The following GNAT1 variants were observed in gnomAD, a reference collection of about 807,000 sequenced individuals.
GNAT1 encodes the protein G protein subunit alpha transducin 1, also known as guanine nucleotide-binding protein G(t) subunit alpha-1.
Under a neutral mutation model 40.0 loss-of-function variants are expected in GNAT1, and 36 were observed. That is an observed-to-expected ratio of 0.90 (90% CI 0.69 to 1.19). The LOEUF (loss-of-function observed/expected upper bound fraction) is 1.19. Among genes scored for constraint, GNAT1 ranks in the 50% most tolerant of loss-of-function variants. The pLI is 0.00. For synonymous variants in GNAT1, 195 were observed against 192.9 expected (o/e 1.01, Z -0.09); for missense variants, 413 against 480.6 (o/e 0.86, Z 1.32).
intron 1 of GNAT1, 155 bp from the exon 2 acceptor site, chr3:50,192,978 T>TG (rs540772952): frequency 3.1e-5 from 22 of 699,452 alleles, no homozygotes; most frequent in East Asian, 1.3e-4. Flanking sequence ...TTAATTTGGA[T>TG]GGGGGGGTAG....
rs1699474686 is a variant in GNAT1 at position 50,194,632 on chromosome 3, C to T, written c.840C>T (p.Ser280=). The T allele has an allele frequency of 1.9e-6, 3 of 1,613,328 alleles. No individual in the cohort carries two copies. Among genetic ancestry groups the T allele is most frequent in the Non-Finnish European group, 2.5e-6 (3 of 1,179,764 alleles). The part of the protein sequence containing the change: ...FFEKIKKAHL[S]ICFPDYDGPN... ...AGAAGATCAAGAAGGCGCACCTCAGCATCTGTTTCCCGGACTACGATGGTG... is the reference window on the plus strand; with the variant it reads ...AGAAGATCAAGAAGGCGCACCTCAGTATCTGTTTCCCGGACTACGATGGTG... The change falls in exon 7 of 9, where the codon AGC becomes AGT. Residue 280 remains serine (S), a synonymous_variant. Coordinates refer to ENST00000232461, the MANE Select transcript of GNAT1 (RefSeq NM_144499.3). This position sits in a 1 kb window ranked among gnomAD's most constrained non-coding sequence, Gnocchi z 6.1.
chr3:50,193,518 A>G lies in GNAT1; in HGVS notation c.304A>G (p.Lys102Glu). Residue 102 changes from lysine (K) to glutamate (E), a missense_variant, in exon 4 of 9, where the codon AAG becomes GAG. Coordinates refer to ENST00000232461, the MANE Select transcript of GNAT1 (RefSeq NM_144499.3). This position sits in a 1 kb window ranked among gnomAD's most constrained non-coding sequence, Gnocchi z 8.1. ...GDSARQDDAR[K>E]LMHMADTIEE... Reference sequence around the variant, plus strand: ...ACCCTGCCCCCAGGACGACGCCCGGAAGCTGATGCACATGGCAGACACTAT... The same window carrying G: ...ACCCTGCCCCCAGGACGACGCCCGGGAGCTGATGCACATGGCAGACACTAT... 6.2e-7 allele frequency: 1 copy of G among 1,613,352 alleles called. No individual in the cohort carries two copies. The highest frequency in any genetic ancestry group is 1.1e-5 in the South Asian group (1 of 91,068).
chr3:50,193,953 G>A lies in GNAT1; in HGVS notation c.578+72G>A. The A allele has an allele frequency of 1.2e-6, 2 of 1,603,162 alleles. No individual in the cohort carries two copies. The highest frequency in any genetic ancestry group is 3.3e-4 in the Middle Eastern group (2 of 6,044). ...CCTGCCCCGGGGACCCCATCCCTGC[G>A]ATAGACCCTGCCCCTTCCCTGATAC... is the stretch of plus-strand genomic sequence containing the variant. On this transcript the variant is annotated intron_variant, in intron 5 of 8. Transcript: ENST00000232461. This position sits in a 1 kb window ranked among gnomAD's most constrained non-coding sequence, Gnocchi z 8.1.
intron 8 of GNAT1, 92 bp from the exon 9 acceptor site, chr3:50,195,176 T>A: frequency 1.7e-6 from 1 of 576,236 alleles, no homozygotes; most frequent in Non-Finnish European, 3.0e-6. Context: ...AGACCTCAGG[T>A]GTCACAGCTT....
Position 50,194,832 on chromosome 3 carries a change from C to T in GNAT1, c.930C>T (p.Arg310=), listed in dbSNP as rs143518788. The T allele has an allele frequency of 3.7e-6, 6 of 1,613,812 alleles. No individual in the cohort carries two copies. In the African/African-American group the frequency reaches 6.7e-5, roughly 18 times the overall value. Residue 310 remains arginine (R), a synonymous_variant, in exon 8 of 9, where the codon CGC becomes CGT. Coordinates refer to ENST00000232461, the MANE Select transcript of GNAT1 (RefSeq NM_144499.3). The surrounding 1 kb of genome is among the most constrained non-coding windows in gnomAD (Gnocchi z 6.1). ...KVQFLELNMR[R]DVKEIYSHMT... is the part of the protein sequence containing the mutation. ...AGTTCCTCGAGCTCAACATGCGGCG[C>T]GACGTGAAGGAGATCTATTCCCACA...
rs370062256 is a variant in GNAT1, at chr3:50,194,720, C to A, written c.863-45C>A. 7 of 1,610,046 alleles carry A rather than the reference C, an allele frequency of 4.3e-6. No homozygotes were observed. In the African/African-American group the frequency reaches 5.4e-5, roughly 12 times the overall value. On this transcript the variant is annotated intron_variant, in intron 7 of 8. Transcript: ENST00000232461. This position sits in a 1 kb window ranked among gnomAD's most constrained non-coding sequence, Gnocchi z 6.1. ...ACGATCGCGGCGCGCACCCCCCGCACGGGGAAGGAAGGGCTGAGCAGAGTG... is the reference window on the plus strand; with the variant it reads ...ACGATCGCGGCGCGCACCCCCCGCAAGGGGAAGGAAGGGCTGAGCAGAGTG...
chr3:50,196,693 A>G lies in GNAT1; in HGVS notation c.*1427A>G, dbSNP rs34877766. On this transcript the variant is annotated 3_prime_UTR_variant, in exon 9 of 9. Coordinates refer to ENST00000232461, the MANE Select transcript of GNAT1 (RefSeq NM_144499.3). ...GGACCAACTCATGGCTTTTCACGGG[A>G]GTTGAGGAGAGAGGAGCTGTGGAAA... 0.55 allele frequency among the ~76,000 whole-genome samples: 83,473 copies of G among 151,882 alleles called. 24,550 individuals are homozygous for G. The highest frequency in any genetic ancestry group is 0.75 in the East Asian group (3,889 of 5,172).
At chr3:50,192,802 T>C (rs1699430483) in intron 1 of GNAT1, 2 of 498,024 alleles carry the variant, frequency 4.0e-6, no homozygotes, top group Admixed American at 6.6e-5. Flanking sequence ...GCGATGACGC[T>C]CCGGGATTTC....
In GNAT1 at chr3:50,193,740, G is replaced by T; in HGVS notation, c.450-13G>T. 6.2e-7 allele frequency: 1 copy of T among 1,605,574 alleles called. No homozygotes were observed. Among genetic ancestry groups the T allele is most frequent in the East Asian group, 2.3e-5 (1 of 44,398 alleles). ...CACGCCTCCCCACCCACCTACGGCC[G>T]GGTCTCGCGCAGCTACCTCTCCGAC... On this transcript the variant is annotated splice_polypyrimidine_tract_variant and intron_variant, in intron 4 of 8. Transcript: ENST00000232461. This position sits in a 1 kb window ranked among gnomAD's most constrained non-coding sequence, Gnocchi z 8.1.
Position 50,193,108 on chromosome 3 carries a change from C to T in GNAT1, c.107-25C>T. On this transcript the variant is annotated intron_variant, in intron 1 of 8. Transcript: ENST00000232461. The surrounding 1 kb of genome is among the most constrained non-coding windows in gnomAD (Gnocchi z 8.1). Reference sequence around the variant, plus strand: ...GGAGGGGGCAGGCTGGTCAGCGCAGCTCTGAGGCGCCGCGTCTCTTTCAGG... The same window carrying T: ...GGAGGGGGCAGGCTGGTCAGCGCAGTTCTGAGGCGCCGCGTCTCTTTCAGG... The T allele has an allele frequency of 6.2e-7, 1 of 1,613,254 alleles. No individual in the cohort carries two copies. Among genetic ancestry groups the T allele is most frequent in the Non-Finnish European group, 8.5e-7 (1 of 1,179,850 alleles).
rs770232049 is a variant in GNAT1, at chr3:50,193,496, C to T, written c.292-10C>T. ...CTGGCCGCCACCAGCCACTCTCACC[C>T]TGCCCCCAGGACGACGCCCGGAAGC... On this transcript the variant is annotated splice_polypyrimidine_tract_variant and intron_variant, in intron 3 of 8. Coordinates refer to ENST00000232461, the MANE Select transcript of GNAT1 (RefSeq NM_144499.3). This position sits in a 1 kb window ranked among gnomAD's most constrained non-coding sequence, Gnocchi z 8.1. 18 of 1,613,138 alleles carry T rather than the reference C, an allele frequency of 1.1e-5. No individual in the cohort carries two copies. The highest frequency in any genetic ancestry group is 1.5e-5 in the Non-Finnish European group (18 of 1,179,826).
At chr3:50,192,848 G>A in intron 1 of GNAT1, 2 of 577,104 alleles carry the variant, frequency 3.5e-6, no homozygotes, top group South Asian at 4.1e-5. Flanking sequence ...AAGGCTGCCT[G>A]TGCCGGGGTC....
chr3:50,196,635 G>A lies in GNAT1; in HGVS notation c.*1369G>A, dbSNP rs563891409. 6.6e-6 allele frequency: 1 copy of A among 152,500 alleles called. No homozygotes were observed. The highest frequency in any genetic ancestry group is 2.4e-5 in the African/African-American group (1 of 41,436). 9.4% of individuals were successfully genotyped at this position (152,500 alleles called of 1,614,324 possible). ...TGGCCCCTCCCAGGAAGAAGTACCT[G>A]GCCTGACAAGGTGGGGCACTCTTGG... is the stretch of plus-strand genomic sequence containing the variant. On this transcript the variant is annotated 3_prime_UTR_variant, in exon 9 of 9. Transcript: ENST00000232461.
At position 50,194,371 on chromosome 3, in the gene GNAT1, C is replaced by T; in HGVS notation, c.709-130C>T. 1 of 1,383,108 alleles carries T rather than the reference C, an allele frequency of 7.2e-7. No individual in the cohort carries two copies. The highest frequency in any genetic ancestry group is 1.2e-5 in the South Asian group (1 of 81,434). 85.7% of individuals were successfully genotyped at this position (1,383,108 alleles called of 1,614,324 possible). On this transcript the variant is annotated intron_variant, in intron 6 of 8. Transcript: ENST00000232461. This position sits in a 1 kb window ranked among gnomAD's most constrained non-coding sequence, Gnocchi z 6.1. Reference sequence around the variant, plus strand: ...GAGGCCCGGAGGCGTTCAGCAGGCCCATCTGGGGCAGTGCGGGGAGCCCTC... The same window carrying T: ...GAGGCCCGGAGGCGTTCAGCAGGCCTATCTGGGGCAGTGCGGGGAGCCCTC...
In GNAT1 at chr3:50,193,011, G is replaced by A; in HGVS notation, c.107-122G>A. 1.1e-6 allele frequency: 1 copy of A among 942,362 alleles called. No individual in the cohort carries two copies. The highest frequency in any genetic ancestry group is 1.6e-6 in the Non-Finnish European group (1 of 609,180). 58.4% of individuals were successfully genotyped at this position (942,362 alleles called of 1,614,324 possible). A position where few individuals can be genotyped will look rare whatever the true frequency, so the allele number is the denominator to read the frequency against. ...TAGGTGTGGCTACGGGGTCGGGGCT[G>A]GCGCTCAGGCCTCTTCGCTGCGGGT... On this transcript the variant is annotated intron_variant, in intron 1 of 8. Coordinates refer to ENST00000232461, the MANE Select transcript of GNAT1 (RefSeq NM_144499.3). The surrounding 1 kb of genome is among the most constrained non-coding windows in gnomAD (Gnocchi z 8.1).
intron 1 of GNAT1, among the ~76,000 whole-genome samples, chr3:50,192,047 G>A (rs564799437): frequency 7.9e-5 from 12 of 152,290 alleles, no homozygotes; most frequent in African/African-American, 2.4e-4. Flanking sequence ...CTCTCCAGAC[G>A]GCTCTGCCTC....
rs34797487 is a variant in GNAT1 at position 50,193,143 on chromosome 3, G to A, written c.117G>A (p.Glu39=). ...CCGCGTCTCTTTCAGGTGCCGGTGA[G>A]TCCGGGAAGAGCACCATCGTCAAGC... The part of the protein sequence containing the change: ...TVKLLLLGAG[E]SGKSTIVKQM... The change falls in exon 2 of 9, where the codon GAG becomes GAA. Residue 39 remains glutamate (E), a synonymous_variant. Transcript: ENST00000232461. The surrounding 1 kb of genome is among the most constrained non-coding windows in gnomAD (Gnocchi z 8.1). 4,219 of 1,613,976 alleles carry A rather than the reference G, an allele frequency of 2.6e-3. 97 individuals are homozygous for A. In the African/African-American group the frequency reaches 0.05, roughly 19 times the overall value.
rs767842372 is a variant in GNAT1 at position 50,194,110 on chromosome 3, G to C, written c.597G>C (p.Gly199=). 1.2e-6 allele frequency: 2 copies of C among 1,613,882 alleles called. No individual in the cohort carries two copies. The highest frequency in any genetic ancestry group is 1.7e-6 in the Non-Finnish European group (2 of 1,179,876). ...CCCGCAGGATGTTCGATGTGGGCGG[G>C]CAGCGCTCGGAGCGCAAGAAGTGGA... ...DLNFRMFDVG[G]QRSERKKWIH... is the part of the protein sequence containing the mutation. The change falls in exon 6 of 9, where the codon GGG becomes GGC. Residue 199 remains glycine, a synonymous_variant. Transcript: ENST00000232461. This position sits in a 1 kb window ranked among gnomAD's most constrained non-coding sequence, Gnocchi z 6.1.
rs1470746734 is a variant in GNAT1, at chr3:50,191,722, G to C, written c.-4G>C. On this transcript the variant is annotated 5_prime_UTR_variant, in exon 1 of 9. Transcript: ENST00000232461. ...ACTCTGTCCCTTCGCCTGCTGCTGG[G>C]ACCATGGGGGCTGGGGCCAGTGCTG... is the stretch of plus-strand genomic sequence containing the variant. 12 of 1,607,602 alleles carry C rather than the reference G, an allele frequency of 7.5e-6. No homozygotes were observed. The highest frequency in any genetic ancestry group is 7.7e-6 in the Non-Finnish European group (9 of 1,174,238).
Sources: gnomAD v4.1 joint callset for allele counts (sites outside exome capture counted in the v4.1 genomes callset) on GRCh38, gnomAD v4.1.1 for gene constraint, Gnocchi (gnomAD v3.1) non-coding constraint, MANE v1.5 for transcripts, NCBI Gene and HGNC (gene_info 2026-07-23, HGNC 2026-07-21) for gene names.